Variants in GAB1 observed in about 807,000 individuals in gnomAD.
GAB1 encodes the protein GRB2 associated binding protein 1.
In GAB1, 19 loss-of-function variants were observed where a neutral mutation model predicts 66.5. The ratio of observed to expected loss-of-function variants is 0.29; its 90% confidence interval spans 0.20 to 0.42. The LOEUF is 0.42. Among genes scored for constraint, GAB1 ranks in the 10% least tolerant of loss-of-function variants. The probability of loss-of-function intolerance (pLI) is 1.00; values close to 1 mark genes in which losing one functional copy is unlikely to be tolerated. For synonymous variants in GAB1, 294 were observed against 301.4 expected, an observed-to-expected ratio of 0.98 and a Z score of 0.25; for missense variants, 732 against 858.5, an observed-to-expected ratio of 0.85 and a Z score of 1.84.
chr4:143,336,921 G>A lies in GAB1; in HGVS notation c.-268G>A. 1 of 464,034 alleles carries A rather than the reference G, an allele frequency of 2.2e-6. No homozygotes were observed. Among genetic ancestry groups the A allele is most frequent in the Non-Finnish European group, 3.8e-6 (1 of 261,484 alleles). The allele number at this position is 464,034 out of a possible 1,614,324, so 28.7% of individuals were successfully genotyped here. On this transcript the variant is annotated 5_prime_UTR_variant, in exon 1 of 10. Coordinates refer to ENST00000262994, the MANE Select transcript of GAB1 (RefSeq NM_002039.4). ...CGCTGCTGAGGCAGCTGGCGAGACG[G>A]CACGTCTGGAGGCGAGGCGGGCGCA...
chr4:143,407,263 CTT>C (rs138480643), intron 1 of GAB1, among the ~76,000 whole-genome samples: 2 of 143,436 alleles, frequency 1.4e-5, no homozygotes. Flanking sequence ...TTTGTCATTG[CTT>C]TTTTTTTTTG....
chr4:143,425,497 A>C, intron 2 of GAB1: 1 of 761,818 alleles, frequency 1.3e-6, no homozygotes, highest in South Asian at 1.3e-5. Flanking sequence ...TGTAACACAG[A>C]TTCTCCTCTG....
At chr4:143,383,622 T>C (rs1429512446) in intron 1 of GAB1, among the ~76,000 whole-genome samples, 1 of 152,182 alleles carries the variant, frequency 6.6e-6, no homozygotes, top group African/African-American at 2.4e-5. Flanking sequence ...AGTTATTCTT[T>C]TGTAAGAGTG....
chr4:143,372,998 GTTAT>G (rs1730201542), intron 1 of GAB1, among the ~76,000 whole-genome samples: 2 of 150,966 alleles, frequency 1.3e-5, no homozygotes. Flanking sequence ...CCTTGATCTG[GTTAT>G]TTAATTTTAG....
In GAB1 at chr4:143,440,102, G is replaced by A. The variant is rs1245354120; in HGVS notation, c.1305G>A (p.Val435=). The change falls in exon 6 of 10, where the codon GTG becomes GTA. Residue 435 remains valine (V), a synonymous_variant. Coordinates refer to ENST00000262994, the MANE Select transcript of GAB1 (RefSeq NM_002039.4). The part of the protein sequence containing the change: ...NHFKVKNVLT[V]GSVSSEELDE... ...AGAAAGTCAAAAATGTGTTGACAGTGGGAAGTGTTTCAAGTGAAGAACTGG... is the reference window on the plus strand; with the variant it reads ...AGAAAGTCAAAAATGTGTTGACAGTAGGAAGTGTTTCAAGTGAAGAACTGG... 6.2e-7 allele frequency: 1 copy of A among 1,613,926 alleles called. No homozygotes were observed. The highest frequency in any genetic ancestry group is 8.5e-7 in the Non-Finnish European group (1 of 1,179,854).
Position 143,460,465 on chromosome 4 carries a change from C to A in GAB1, c.1781C>A (p.Pro594Gln). ...GAAGAGAATTATGTTCCCATGAACC[C>A]AAACCTGTCCAGTGAAGACCCAGTA... ...DSEENYVPMN[P>Q]NLSSEDPNLF... Residue 594 changes from proline to glutamine, a missense_variant, in exon 8 of 10, where the codon CCA becomes CAA. By Grantham distance (76) the Pro-to-Gln change is moderately conservative (BLOSUM62 -1). This residue lies in a region of GAB1 where 204 missense variants were observed against 276.8 expected (regional missense o/e 0.74). Coordinates refer to ENST00000262994, the MANE Select transcript of GAB1 (RefSeq NM_002039.4). 2 of 1,613,676 alleles carry A rather than the reference C, an allele frequency of 1.2e-6. No homozygotes were observed. The highest frequency in any genetic ancestry group is 1.1e-5 in the South Asian group (1 of 91,062).
intron 1 of GAB1, among the ~76,000 whole-genome samples, chr4:143,354,012 G>A (rs998938514): frequency 6.6e-6 from 1 of 152,136 alleles, no homozygotes; most frequent in African/African-American, 2.4e-5. Flanking sequence ...CTGAGAGTCC[G>A]AGTAAGTTTA....
At chr4:143,407,723 A>C (rs1732131579) in intron 1 of GAB1, among the ~76,000 whole-genome samples, 2 of 152,176 alleles carry the variant, frequency 1.3e-5, no homozygotes, top group South Asian at 4.1e-4. Context: ...ACTTCCACCG[A>C]GCCTGTTTTT....
chr4:143,385,188 A>AT (rs1296498434), intron 1 of GAB1, among the ~76,000 whole-genome samples: 1 of 152,160 alleles, frequency 6.6e-6, no homozygotes, highest in Non-Finnish European at 1.5e-5. Context: ...TCTTCAAAAC[A>AT]TAAGTGAGAG....
intron 1 of GAB1, among the ~76,000 whole-genome samples, chr4:143,383,070 A>G (rs1730724588): frequency 6.6e-6 from 1 of 152,202 alleles, no homozygotes; most frequent in Admixed American, 6.5e-5. Context: ...ATTCCTAGAA[A>G]TATTCTTCTT....
intron 8 of GAB1, among the ~76,000 whole-genome samples, chr4:143,461,111 TTGCCAGAAAA>T (rs1312178510): frequency 2.6e-5 from 4 of 152,220 alleles, no homozygotes; most frequent in Non-Finnish European, 5.9e-5. Flanking sequence ...AATCAGGTAG[TTGCCAGAAAA>T]TACTTCAAAT....
intron 3 of GAB1, among the ~76,000 whole-genome samples, chr4:143,435,956 C>T (rs1199393384): frequency 2.6e-5 from 4 of 152,110 alleles, no homozygotes; most frequent in Non-Finnish European, 4.4e-5. Context: ...GTGTTAGAAA[C>T]GATGTTTTTA....
chr4:143,366,862 C>T (rs1490718180), intron 1 of GAB1, among the ~76,000 whole-genome samples: 1 of 151,964 alleles, frequency 6.6e-6, no homozygotes, highest in African/African-American at 2.4e-5. Context: ...CAAGACCCTC[C>T]ATAATTTCCC....
chr4:143,461,898 A>G (rs1057350106), intron 8 of GAB1, among the ~76,000 whole-genome samples: 5 of 152,184 alleles, frequency 3.3e-5, no homozygotes, highest in Non-Finnish European at 7.4e-5. Flanking sequence ...ATATATTGTC[A>G]GGAAACATAA....
chr4:143,372,514 G>A (rs566661926), intron 1 of GAB1, among the ~76,000 whole-genome samples: 56 of 149,602 alleles, frequency 3.7e-4, no homozygotes, highest in African/African-American at 1.2e-3. Flanking sequence ...TAACTACTGA[G>A]ATTAACAGCA....
At chr4:143,405,069 C>T (rs894938120) in intron 1 of GAB1, among the ~76,000 whole-genome samples, 3 of 152,066 alleles carry the variant, frequency 2.0e-5, no homozygotes, top group African/African-American at 7.2e-5. Flanking sequence ...TGGTCTTGTT[C>T]TTTATTTAAA....
intron 6 of GAB1, among the ~76,000 whole-genome samples, chr4:143,456,895 T>C (rs1384539051): frequency 6.6e-6 from 1 of 152,240 alleles, no homozygotes; most frequent in African/African-American, 2.4e-5. Flanking sequence ...TGCCCTTTCA[T>C]AGGCTTTTCA....
chr4:143,409,709 A>G (rs1305494780), intron 1 of GAB1, among the ~76,000 whole-genome samples: 2 of 152,156 alleles, frequency 1.3e-5, no homozygotes, highest in African/African-American at 2.4e-5. Flanking sequence ...AGGTTGGGAA[A>G]AAAGAACCTT....
intron 2 of GAB1, chr4:143,425,605 C>G: frequency 1.3e-6 from 1 of 762,444 alleles, no homozygotes; most frequent in Non-Finnish European, 2.4e-6. Flanking sequence ...GTGCGTGGCA[C>G]CATTTCCCGT....
Sources: gnomAD v4.1 joint callset for allele counts (sites outside exome capture counted in the v4.1 genomes callset) on GRCh38, gnomAD v4.1.1 for gene constraint, gnomAD v4.1.1 regional missense constraint, MANE v1.5 for transcripts, NCBI Gene and HGNC (gene_info 2026-07-23, HGNC 2026-07-21) for gene names.